The following XKR9 variants were observed in gnomAD, a reference collection of about 807,000 sequenced individuals.
The protein encoded by XKR9 is XK-related protein 9.
Under a neutral mutation model 32.0 loss-of-function variants are expected in XKR9, and 32 were observed. That is an observed-to-expected ratio of 1.00 (90% CI 0.76 to 1.34). The LOEUF is 1.34. Ranked by LOEUF, XKR9 falls within the 40% of genes most tolerant of loss-of-function variation. The probability of loss-of-function intolerance (pLI) is 0.00; values close to 1 mark genes in which losing one functional copy is unlikely to be tolerated. For synonymous variants in XKR9, 168 were observed against 143.4 expected (o/e 1.17, Z -1.22); for missense variants, 546 against 429.7 (o/e 1.27, Z -2.39).
the XKR9 span, among the ~76,000 whole-genome samples, chr8:71,005,228 T>TTC: frequency 6.8e-6 from 1 of 148,090 alleles, no homozygotes; most frequent in Non-Finnish European, 1.5e-5. Context: ...TCTTTTTCTT[T>TTC]TTTTTTTTTT....
chr8:70,817,868 C>T, the XKR9 span, among the ~76,000 whole-genome samples: 4 of 152,142 alleles, frequency 2.6e-5, no homozygotes, highest in African/African-American at 4.8e-5. Flanking sequence ...AGGGAAAACA[C>T]TCCATATTCA....
intron 2 of XKR9, among the ~76,000 whole-genome samples, chr8:70,773,493 T>A (rs1370421587): frequency 1.3e-5 from 2 of 152,170 alleles, no homozygotes; most frequent in South Asian, 2.1e-4. Context: ...AATTGGATGA[T>A]CTTGGTTGTT....
At chr8:70,788,492 C>A (rs966687014) in intron 2 of XKR9, among the ~76,000 whole-genome samples, 6 of 151,822 alleles carry the variant, frequency 4.0e-5, no homozygotes, top group Non-Finnish European at 7.4e-5. Context: ...TACACTGAAT[C>A]ATTGAAAGAC....
At chr8:70,691,654 A>G (rs375192842) in intron 3 of XKR9, among the ~76,000 whole-genome samples, 25 of 152,098 alleles carry the variant, frequency 1.6e-4, no homozygotes, top group African/African-American at 2.9e-4. Flanking sequence ...TCCTAGCTCT[A>G]TTTATTGAAT....
downstream of XKR9, among the ~76,000 whole-genome samples, chr8:70,791,143 G>T (rs1051232720): frequency 1.3e-5 from 2 of 151,996 alleles, no homozygotes; most frequent in Non-Finnish European, 2.9e-5. Flanking sequence ...TATTGATTCT[G>T]TAATCTATTC....
chr8:70,902,476 A>T, the XKR9 span, among the ~76,000 whole-genome samples: 1 of 152,144 alleles, frequency 6.6e-6, no homozygotes, highest in Admixed American at 6.5e-5. Context: ...GTGTATAGGA[A>T]TGCTTGTGAT....
chr8:70,871,821 C>T, the XKR9 span, among the ~76,000 whole-genome samples: 57 of 152,306 alleles, frequency 3.7e-4, no homozygotes, highest in African/African-American at 1.1e-3. Flanking sequence ...CATGTTGAAA[C>T]CTGAGACAGG....
intron 2 of XKR9, among the ~76,000 whole-genome samples, chr8:70,677,792 G>T (rs1246350395): frequency 6.6e-6 from 1 of 152,110 alleles, no homozygotes; most frequent in Non-Finnish European, 1.5e-5. Flanking sequence ...GATTTGTGAG[G>T]ATTAAATGAA....
intron 2 of XKR9, among the ~76,000 whole-genome samples, chr8:70,749,179 C>T (rs1434297726): frequency 6.6e-6 from 1 of 152,178 alleles, no homozygotes; most frequent in East Asian, 1.9e-4. Flanking sequence ...CATTGCTCAC[C>T]CTCCAGTTGT....
chr8:70,746,399 CAAAT>C (rs72015482), intron 2 of XKR9, among the ~76,000 whole-genome samples: 2,406 of 145,614 alleles, frequency 0.017, 65 homozygotes, highest in African/African-American at 0.056. Flanking sequence ...ATATACAAAA[CAAAT>C]AAAGTAAAAT....
At chr8:71,030,271 A>G in the XKR9 span, among the ~76,000 whole-genome samples, 10 of 152,218 alleles carry the variant, frequency 6.6e-5, no homozygotes, top group Admixed American at 2.6e-4. Context: ...TGTACTAAAT[A>G]CAGTACTAAT....
the XKR9 span, among the ~76,000 whole-genome samples, chr8:71,026,513 A>G: frequency 6.6e-6 from 1 of 152,224 alleles, no homozygotes; most frequent in African/African-American, 2.4e-5. Flanking sequence ...GAAAGTATGT[A>G]CGGTGTGTCC....
chr8:70,743,468 C>A (rs771777351), intron 2 of XKR9, among the ~76,000 whole-genome samples: 1 of 152,168 alleles, frequency 6.6e-6, no homozygotes, highest in South Asian at 2.1e-4. Flanking sequence ...TGAATTGTTT[C>A]CTGGATGGTA....
chr8:70,745,880 T>C (rs920848903), intron 2 of XKR9, among the ~76,000 whole-genome samples: 6 of 152,190 alleles, frequency 3.9e-5, no homozygotes, highest in African/African-American at 1.4e-4. Context: ...GGGTCAGAGA[T>C]ATATAATGCA....
the XKR9 span, among the ~76,000 whole-genome samples, chr8:70,989,030 G>T: frequency 2.0e-5 from 3 of 152,236 alleles, no homozygotes; most frequent in African/African-American, 7.2e-5. Flanking sequence ...TCCATTACAC[G>T]TATGTACAAC....
intron 2 of XKR9, among the ~76,000 whole-genome samples, chr8:70,760,626 G>A (rs1033034081): frequency 6.6e-6 from 1 of 152,142 alleles, no homozygotes; most frequent in African/African-American, 2.4e-5. Flanking sequence ...ACTATGCCTG[G>A]CACATTTTAG....
the XKR9 span, among the ~76,000 whole-genome samples, chr8:70,811,496 C>A: frequency 1.3e-5 from 2 of 152,084 alleles, no homozygotes; most frequent in African/African-American, 4.8e-5. Flanking sequence ...ATTAATGAAT[C>A]CAGGAGCTGG....
chr8:71,064,321 T>C, the XKR9 span, among the ~76,000 whole-genome samples: 1 of 152,172 alleles, frequency 6.6e-6, no homozygotes, highest in Admixed American at 6.5e-5. Flanking sequence ...ATCACACCTA[T>C]AAAAATTAAT....
At chr8:70,916,516 A>G in the XKR9 span, among the ~76,000 whole-genome samples, 1 of 152,146 alleles carries the variant, frequency 6.6e-6, no homozygotes, top group Middle Eastern at 3.2e-3. Flanking sequence ...GGTGTTCTAG[A>G]CTTTTAAAAA....
Sources: allele counts gnomAD v4.1 joint callset (sites outside exome capture counted in the v4.1 genomes callset), GRCh38; gene constraint gnomAD v4.1.1; transcripts MANE v1.5; gene names NCBI Gene and HGNC (gene_info 2026-07-23, HGNC 2026-07-21).